The following NEB variants were observed in gnomAD, a reference collection of about 807,000 sequenced individuals.
NEB encodes nemaline myopathy type 2.
NEB carries 512 observed loss-of-function variants against 952.2 expected under a neutral mutation model. The observed-to-expected ratio is 0.54, with a 90% CI of 0.50 to 0.58. The LOEUF is 0.58. Among genes scored for constraint, NEB ranks in the 20% least tolerant of loss-of-function variants. NEB has a pLI of 0.00. For missense variants in NEB, 8,428 were observed against 9,231.1 expected (o/e 0.91, Z 3.56); for synonymous variants, 2,900 against 3,149.8 (o/e 0.92, Z 2.66).
chr2:151,646,503 A>G lies in NEB; in HGVS notation c.7432-269T>C, dbSNP rs76264092. On this transcript the variant is annotated intron_variant, in intron 54 of 181. Coordinates refer to ENST00000397345, the MANE Select transcript of NEB (RefSeq NM_001164508.2). ...AATCTAGGTAATTACATGCCTTGCC[A>G]ATATTATCAAATGAAACAGGCTTCT... is the stretch of plus-strand genomic sequence containing the variant. 7.0e-3 allele frequency among the ~76,000 whole-genome samples: 1,061 copies of G among 152,352 alleles called. 21 individuals are homozygous for G. Among genetic ancestry groups the G allele is most frequent in the East Asian group, 0.063 (326 of 5,186 alleles).
At chr2:151,640,095 T>C in intron 61 of NEB, 35 bp from the exon 62 acceptor site, 1 of 1,585,164 alleles carries the variant, frequency 6.3e-7, no homozygotes, top group South Asian at 1.1e-5. Flanking sequence ...TATTTATCTC[T>C]GTATCAGCAA....
chr2:151,524,868 A>G (rs2084684455), intron 151 of NEB, among the ~76,000 whole-genome samples: 1 of 151,670 alleles, frequency 6.6e-6, no homozygotes, highest in Non-Finnish European at 1.5e-5. Flanking sequence ...GGGTTTCACC[A>G]TATTGGCCAG....
intron 161 of NEB, among the ~76,000 whole-genome samples, chr2:151,508,792 T>A (rs964403159): frequency 5.9e-5 from 9 of 152,208 alleles, no homozygotes; most frequent in African/African-American, 2.2e-4. Context: ...TTCCTTGGGC[T>A]CCCCTGTCCT....
Position 151,640,455 on chromosome 2 carries a change from A to G in NEB, c.8585T>C (p.Val2862Ala). ...GTAGTTCTTGTAGTCCACATCGCTG[A>G]CTAAGGTCTGGCACTTCTTGGCCAG... The part of the protein sequence containing the change: ...VVLAKKCQTL[V>A]SDVDYKNYLH... The change falls in exon 61 of 182, where the codon GTC (valine) becomes GCC (alanine). Residue 2862 changes from valine (V) to alanine (A), a missense_variant. Physicochemically the swap from Val to Ala is moderately conservative, Grantham distance 64. This residue lies in a region of NEB where 1,772 missense variants were observed against 1,960.3 expected (regional missense o/e 0.90). Coordinates refer to ENST00000397345, the MANE Select transcript of NEB (RefSeq NM_001164508.2). The G allele has an allele frequency of 1.9e-6, 3 of 1,613,900 alleles. No homozygotes were observed. The highest frequency in any genetic ancestry group is 1.1e-5 in the South Asian group (1 of 91,080).
At position 151,680,801 on chromosome 2, in the gene NEB, G is replaced by A; in HGVS notation, c.2971C>T (p.Leu991Phe). The A allele has an allele frequency of 6.2e-7, 1 of 1,613,266 alleles. No homozygotes were observed. Among genetic ancestry groups the A allele is most frequent in the Non-Finnish European group, 8.5e-7 (1 of 1,179,390 alleles). ...EKKYRQHPDT[L>F]KFTSIEDAPI... ...GCATCTTCAATCGAGGTAAACTTGA[G>A]GGTGTCTGGATGTTGGCGATATTTT... Residue 991 changes from leucine (L) to phenylalanine (F), a missense_variant, in exon 30 of 182, where the codon CTC becomes TTC. Leu to Phe is a conservative substitution (Grantham distance 22). Coordinates refer to ENST00000397345, the MANE Select transcript of NEB (RefSeq NM_001164508.2).
chr2:151,501,600 C>G (rs2064620910), intron 167 of NEB, 117 bp from the exon 168 acceptor site: 1 of 496,708 alleles, frequency 2.0e-6, no homozygotes, highest in African/African-American at 2.0e-5. Context: ...GATGAAGTAC[C>G]TCAGTAACTT....
At chr2:151,649,084 C>A (rs774196529) in intron 54 of NEB, among the ~76,000 whole-genome samples, 3 of 152,128 alleles carry the variant, frequency 2.0e-5, no homozygotes, top group Non-Finnish European at 2.9e-5. Flanking sequence ...TTTTTATCTC[C>A]TGTTTCATGG....
chr2:151,710,374 T>C (rs2099741273), intron 11 of NEB, 60 bp downstream of exon 11: 2 of 1,171,094 alleles, frequency 1.7e-6, no homozygotes, highest in East Asian at 2.4e-5. Flanking sequence ...TAGCTAGAAG[T>C]CACTAAGGAA....
intron 136 of NEB, 58 bp from the exon 137 acceptor site, chr2:151,540,859 C>A: frequency 7.3e-7 from 1 of 1,361,212 alleles, no homozygotes; most frequent in Non-Finnish European, 1.0e-6. Context: ...ATTTAGCATT[C>A]AGTCCACTTC....
At position 151,540,696 on chromosome 2, in the gene NEB, C is replaced by G; in HGVS notation, c.20787+1G>C. 2 of 1,612,534 alleles carry G rather than the reference C, an allele frequency of 1.2e-6. No homozygotes were observed. The highest frequency in any genetic ancestry group is 1.7e-6 in the Non-Finnish European group (2 of 1,178,730). The stretch of plus-strand genomic sequence containing the variant: ...GCCTCAGTGCTGAATTCCCATCTTA[C>G]CTCACTGACCATGTCCTTCACGTCT... On this transcript the variant is annotated splice_donor_variant, in intron 137 of 181. Transcript: ENST00000397345. LOFTEE classifies it high-confidence loss of function.
At chr2:151,500,683 A>C (rs991343479) in intron 168 of NEB, among the ~76,000 whole-genome samples, 2 of 143,148 alleles carry the variant, frequency 1.4e-5, no homozygotes, top group African/African-American at 5.2e-5. Flanking sequence ...TGCAGCCTTG[A>C]CTTCCTAGGG....
At position 151,627,519 on chromosome 2, in the gene NEB, T is replaced by G. The variant is rs1386610368; in HGVS notation, c.10143+4A>C. 6.2e-7 allele frequency: 1 copy of G among 1,613,102 alleles called. No individual in the cohort carries two copies. Among genetic ancestry groups the G allele is most frequent in the South Asian group, 1.1e-5 (1 of 91,074 alleles). ...CACAGTTACCATGGATCTTAATTAC[T>G]CACATCGCTCTGGAGGTCATAGGCC... On this transcript the variant is annotated splice_donor_region_variant and intron_variant, in intron 69 of 181. Transcript: ENST00000397345.
intron 55 of NEB, 78 bp from the exon 56 acceptor site, chr2:151,644,653 T>A (rs1394516774): frequency 8.2e-7 from 1 of 1,219,916 alleles, no homozygotes; most frequent in East Asian, 2.3e-5. Context: ...ATGTGCTAAA[T>A]ATTTTGAGTC....
Position 151,640,476 on chromosome 2 carries a change from G to A in NEB, c.8564C>T (p.Ala2855Val). Reference sequence around the variant, plus strand: ...GCTGACTAAGGTCTGGCACTTCTTGGCCAGCACCACCCCCAGCATGTCCAC... The same window carrying A: ...GCTGACTAAGGTCTGGCACTTCTTGACCAGCACCACCCCCAGCATGTCCAC... ...SPVDMLGVVL[A>V]KKCQTLVSDV... The change falls in exon 61 of 182, where the codon GCC (alanine) becomes GTC (valine). Residue 2855 changes from alanine to valine, a missense_variant. Transcript: ENST00000397345. The A allele has an allele frequency of 6.2e-7, 1 of 1,613,852 alleles. No homozygotes were observed. Among genetic ancestry groups the A allele is most frequent in the Non-Finnish European group, 8.5e-7 (1 of 1,179,868 alleles).
chr2:151,523,608 T>C (rs2083444616), intron 153 of NEB, among the ~76,000 whole-genome samples: 1 of 152,224 alleles, frequency 6.6e-6, no homozygotes, highest in Non-Finnish European at 1.5e-5. Context: ...TGAGCTAAAG[T>C]CTGAAAACCT....
chr2:151,657,248 G>A (rs1490165397), intron 48 of NEB, among the ~76,000 whole-genome samples: 2 of 152,146 alleles, frequency 1.3e-5, no homozygotes, highest in Non-Finnish European at 2.9e-5. Flanking sequence ...GGAAGATGAA[G>A]AATAGAGATG....
Position 151,492,513 on chromosome 2 carries a change from T to A in NEB, c.24766-19A>T, listed in dbSNP as rs1024885377. The A allele has an allele frequency of 1.3e-6, 2 of 1,534,348 alleles. No homozygotes were observed. Among genetic ancestry groups the A allele is most frequent in the Non-Finnish European group, 1.8e-6 (2 of 1,111,082 alleles). On this transcript the variant is annotated intron_variant, in intron 176 of 181. Coordinates refer to ENST00000397345, the MANE Select transcript of NEB (RefSeq NM_001164508.2). ...AAAGAACCTGATGCAGGAGAGACCG[T>A]GAATGAGTGGTGCTGTCCTAAATCT...
chr2:151,656,524 T>C, intron 48 of NEB, 60 bp from the exon 49 acceptor site: 1 of 1,029,800 alleles, frequency 9.7e-7, no homozygotes, highest in Non-Finnish European at 1.4e-6. Flanking sequence ...ATCGATCTAG[T>C]GTCAATATGC....
chr2:151,658,135 G>A, intron 47 of NEB, 45 bp from the exon 48 acceptor site: 1 of 1,373,516 alleles, frequency 7.3e-7, no homozygotes, highest in Non-Finnish European at 1.0e-6. Context: ...AAATATGAAA[G>A]CCTGGATTTA....
Sources: allele counts gnomAD v4.1 joint callset (sites outside exome capture counted in the v4.1 genomes callset), GRCh38; gene constraint gnomAD v4.1.1; regional missense constraint gnomAD v4.1.1; transcripts MANE v1.5; gene names NCBI Gene and HGNC (gene_info 2026-07-23, HGNC 2026-07-21).